NCKAP1: variants seen among roughly 807,000 people sequenced by gnomAD.
The protein encoded by NCKAP1 is nck-associated protein 1.
In NCKAP1, 21 loss-of-function variants were observed where a neutral mutation model predicts 151.2. The ratio of observed to expected loss-of-function variants is 0.14; its 90% confidence interval spans 0.10 to 0.20. The LOEUF is 0.20. Among genes scored for constraint, NCKAP1 ranks in the 10% least tolerant of loss-of-function variants. NCKAP1 has a pLI of 1.00. For synonymous variants in NCKAP1, 484 were observed against 451.8 expected (o/e 1.07, Z -0.90); for missense variants, 933 against 1,352.1 (o/e 0.69, Z 4.86).
chr2:182,981,206 G>A, intron 13 of NCKAP1, 38 bp downstream of exon 13: 2 of 1,593,834 alleles, frequency 1.3e-6, no homozygotes, highest in Non-Finnish European at 1.7e-6. Context: ...AGGTGGGAAG[G>A]AAGGAACAAA....
chr2:182,923,957 A>T lies in NCKAP1; in HGVS notation c.*1745T>A, dbSNP rs552268238. ...CTTATGCCCTTTCACATATGATTCCAAAGTGTACATATCCAAATTCCTACT... is the reference window on the plus strand; with the variant it reads ...CTTATGCCCTTTCACATATGATTCCTAAGTGTACATATCCAAATTCCTACT... On this transcript the variant is annotated 3_prime_UTR_variant, in exon 31 of 31. Coordinates refer to ENST00000361354, the MANE Select transcript of NCKAP1 (RefSeq NM_013436.5). The T allele has an allele frequency of 5.3e-5, 8 of 152,270 alleles. No homozygotes were observed. The highest frequency in any genetic ancestry group is 1.7e-4 in the African/African-American group (7 of 41,554). 9.4% of individuals were successfully genotyped at this position (152,270 alleles called of 1,614,324 possible). A position where few individuals can be genotyped will look rare whatever the true frequency, so the allele number is the denominator to read the frequency against.
intron 8 of NCKAP1, among the ~76,000 whole-genome samples, chr2:182,991,532 C>T (rs1698170724): frequency 6.6e-6 from 1 of 151,914 alleles, no homozygotes; most frequent in Non-Finnish European, 1.5e-5. Context: ...GCACTCCAGC[C>T]TGGGTGACAG....
intron 26 of NCKAP1, among the ~76,000 whole-genome samples, chr2:182,933,417 G>T (rs1044030128): frequency 6.8e-6 from 1 of 146,862 alleles, no homozygotes; most frequent in Non-Finnish European, 1.5e-5. Context: ...TTGGAGACGG[G>T]AGTTTTGCTC....
intron 1 of NCKAP1, 126 bp from the exon 2 acceptor site, chr2:183,024,042 G>A: frequency 1.4e-6 from 1 of 695,580 alleles, no homozygotes; most frequent in East Asian, 2.7e-5. Context: ...AAAATGAATA[G>A]GCAAAGTGCA....
intron 2 of NCKAP1, among the ~76,000 whole-genome samples, chr2:183,019,913 C>CA (rs1698763417): frequency 6.6e-6 from 1 of 152,074 alleles, no homozygotes; most frequent in South Asian, 2.1e-4. Context: ...AATGACTCAA[C>CA]AGAGTCCAAC....
intron 19 of NCKAP1, chr2:182,956,920 T>C (rs913106467): frequency 5.3e-6 from 1 of 190,470 alleles, no homozygotes; most frequent in African/African-American, 2.3e-5. Context: ...AAGTTGTCTA[T>C]AAAAGGGCAA....
chr2:182,969,630 A>T (rs902730606), intron 15 of NCKAP1, among the ~76,000 whole-genome samples: 1 of 152,068 alleles, frequency 6.6e-6, no homozygotes, highest in Non-Finnish European at 1.5e-5. Context: ...ACCAAAACCT[A>T]TGGGATACAG....
intron 2 of NCKAP1, among the ~76,000 whole-genome samples, chr2:183,004,424 G>A (rs898040275): frequency 6.9e-6 from 1 of 145,624 alleles, no homozygotes; most frequent in African/African-American, 2.6e-5. Flanking sequence ...TTACAGCAGT[G>A]AGCCTAACAT....
chr2:182,945,746 G>A, intron 23 of NCKAP1, among the ~76,000 whole-genome samples: 1 of 152,184 alleles, frequency 6.6e-6, no homozygotes, highest in East Asian at 1.9e-4. Flanking sequence ...GCAGTTTGCA[G>A]ATTTCTCAAA....
At chr2:182,938,621 A>T (rs1040519112) in intron 24 of NCKAP1, among the ~76,000 whole-genome samples, 1 of 152,134 alleles carries the variant, frequency 6.6e-6, no homozygotes, top group Non-Finnish European at 1.5e-5. Flanking sequence ...TAAGATGAAA[A>T]AGAGGCCAGT....
chr2:182,930,177 C>A (rs1262769654), intron 27 of NCKAP1, among the ~76,000 whole-genome samples: 1 of 151,902 alleles, frequency 6.6e-6, no homozygotes, highest in Non-Finnish European at 1.5e-5. Flanking sequence ...CTAGTTATCT[C>A]CAAATCCTTT....
chr2:182,926,729 A>C, intron 30 of NCKAP1, 87 bp downstream of exon 30: 1 of 890,754 alleles, frequency 1.1e-6, no homozygotes, highest in Non-Finnish European at 1.7e-6. Flanking sequence ...GATCAAAAAA[A>C]GTATTCAATG....
intron 12 of NCKAP1, 62 bp downstream of exon 12, chr2:182,982,759 C>G (rs1415355631): frequency 4.6e-6 from 5 of 1,089,692 alleles, no homozygotes; most frequent in Middle Eastern, 5.9e-4. Flanking sequence ...AGGACATAAC[C>G]CCATTGTAAA....
At chr2:182,995,597 A>G (rs1698252768) in intron 7 of NCKAP1, 104 bp downstream of exon 7, 1 of 1,081,816 alleles carries the variant, frequency 9.2e-7, no homozygotes, top group Non-Finnish European at 1.3e-6. Flanking sequence ...AACTTCAACT[A>G]ATAAGCTAAT....
chr2:182,999,509 G>T (rs1449611137), intron 6 of NCKAP1, among the ~76,000 whole-genome samples: 1 of 152,100 alleles, frequency 6.6e-6, no homozygotes, highest in African/African-American at 2.4e-5. Context: ...AACAGATGTT[G>T]GCAAGGCTAC....
rs899975488 is a variant in NCKAP1, at chr2:182,911,873, A to G, written c.*13829T>C. ...TTTCATGATTTTATTAGAAAGCAGT[A>G]ACTGCATTTCTGGTAGGCCTTTCTG... On this transcript the variant is annotated 3_prime_UTR_variant, in exon 31 of 31. Transcript: ENST00000361354. 6 of 152,136 alleles carry G rather than the reference A, an allele frequency of 3.9e-5. No individual in the cohort carries two copies. Among genetic ancestry groups the G allele is most frequent in the African/African-American group, 7.2e-5 (3 of 41,440 alleles). The allele number at this position is 152,136 out of a possible 1,614,324, so 9.4% of individuals were successfully genotyped here.
At chr2:183,016,980 G>A (rs1294217006) in intron 2 of NCKAP1, among the ~76,000 whole-genome samples, 1 of 152,180 alleles carries the variant, frequency 6.6e-6, no homozygotes, top group African/African-American at 2.4e-5. Context: ...AGTCAAAAGG[G>A]ATTCTGAAGG....
chr2:182,970,349 G>T (rs1441672251), intron 15 of NCKAP1, among the ~76,000 whole-genome samples: 1 of 152,056 alleles, frequency 6.6e-6, no homozygotes, highest in Non-Finnish European at 1.5e-5. Flanking sequence ...TACGAACATA[G>T]ATGCAAAAAT....
intron 29 of NCKAP1, 73 bp downstream of exon 29, chr2:182,928,044 C>A: frequency 9.6e-7 from 1 of 1,044,636 alleles, no homozygotes; most frequent in Non-Finnish European, 1.4e-6. Flanking sequence ...AGAATTTATT[C>A]TTACATTTTG....
Sources: gnomAD v4.1 joint callset for allele counts (sites outside exome capture counted in the v4.1 genomes callset) on GRCh38, gnomAD v4.1.1 for gene constraint, MANE v1.5 for transcripts, NCBI Gene and HGNC (gene_info 2026-07-23, HGNC 2026-07-21) for gene names.